The following STX11 variants were observed in gnomAD, a reference collection of about 807,000 sequenced individuals.
The protein encoded by STX11 is syntaxin 11, also known as syntaxin-11.
A neutral mutation model predicts 19.9 loss-of-function variants in STX11; 21 were observed. The ratio of observed to expected loss-of-function variants is 1.06; its 90% CI spans 0.75 to 1.52. STX11 has a LOEUF of 1.52. Ranked by LOEUF, STX11 falls within the 40% of genes most tolerant of loss-of-function variation. The probability of loss-of-function intolerance (pLI) is 0.00; values close to 1 mark genes in which losing one functional copy is unlikely to be tolerated. For synonymous variants in STX11, 193 were observed against 174.4 expected (o/e 1.11, Z -0.84); for missense variants, 438 against 405.9 (o/e 1.08, Z -0.68).
At chr6:144,144,291 C>A in the STX11 span, among the ~76,000 whole-genome samples, 2 of 152,182 alleles carry the variant, frequency 1.3e-5, no homozygotes, top group Non-Finnish European at 2.9e-5. Context: ...TAAAGAGCAA[C>A]AGAACCACAT....
At chr6:144,157,527 A>G (rs1801202813) in intron 1 of STX11, among the ~76,000 whole-genome samples, 1 of 152,192 alleles carries the variant, frequency 6.6e-6, no homozygotes, top group African/African-American at 2.4e-5. Context: ...GATGGCCCAG[A>G]CCATCACCTT....
chr6:144,147,361 C>T (rs61249035), upstream of STX11, among the ~76,000 whole-genome samples: 1 of 152,208 alleles, frequency 6.6e-6, no homozygotes. The surrounding 1 kb of genome is among the most constrained non-coding windows in gnomAD (Gnocchi z 4.2). Context: ...ATTTTACACA[C>T]TGTAGCAGCA....
rs1460583591 is a variant in STX11 at position 144,156,001 on chromosome 6, T to C, written c.-6+5298T>C. Among the ~76,000 whole-genome samples the C allele has an allele frequency of 2.3e-3, 293 of 129,532 alleles. 21 individuals carry two copies. The East Asian group carries it at 0.039, about 17-fold the overall frequency. 85.0% of individuals were successfully genotyped at this position (129,532 alleles called of 152,430 possible). A position where few individuals can be genotyped will look rare whatever the true frequency, so the allele number is the denominator to read the frequency against. ...TTCTTTCTTTCTTTCTTTCTTTCTT[T>C]CTTTCTTTCTTTCTCTCTTTCTCTC... is the stretch of plus-strand genomic sequence containing the variant. On this transcript the variant is annotated intron_variant, in intron 1 of 1. Transcript: ENST00000367568.
At position 144,159,440 on chromosome 6, in the gene STX11, C is replaced by T. The variant is rs1434974649; in HGVS notation, c.-6+8737C>T. On this transcript the variant is annotated intron_variant, in intron 1 of 1. Coordinates refer to ENST00000367568, the MANE Select transcript of STX11 (RefSeq NM_003764.4). This position sits in a 1 kb window ranked among gnomAD's most constrained non-coding sequence, Gnocchi z 4.3. ...ATAAGTTATATCAAAATAGAAGTTA[C>T]GGATTTGGCTTTGGTTACAAGAGAC... Among the ~76,000 whole-genome samples, 6 of 152,098 alleles carry T rather than the reference C, an allele frequency of 3.9e-5. No homozygotes were observed. Among genetic ancestry groups the T allele is most frequent in the South Asian group, 2.1e-4 (1 of 4,830 alleles).
chr6:144,140,111 C>T, the STX11 span, among the ~76,000 whole-genome samples: 1 of 149,586 alleles, frequency 6.7e-6, no homozygotes, highest in Non-Finnish European at 1.5e-5. Context: ...AGATCATCAC[C>T]CACAGAGGCA....
the STX11 span, among the ~76,000 whole-genome samples, chr6:144,140,260 TTA>T: frequency 3.7e-3 from 133 of 36,056 alleles, no homozygotes; most frequent in African/African-American, 0.014. Flanking sequence ...ATATATTTAT[TTA>T]TTTATTTTTT....
upstream of STX11, chr6:144,150,449 C>G (rs1317517110): frequency 1.0e-6 from 1 of 967,126 alleles, no homozygotes; most frequent in Non-Finnish European, 1.2e-6. Flanking sequence ...GCGCTGTCAT[C>G]CCGGGGCGGG....
rs1281789764 is a variant in STX11 at position 144,150,689 on chromosome 6, T to G, written c.-20T>G. 3.0e-6 allele frequency: 3 copies of G among 983,622 alleles called. No homozygotes were observed. In the African/African-American group the frequency reaches 5.3e-5, roughly 17 times the overall value. 60.9% of individuals were successfully genotyped at this position (983,622 alleles called of 1,614,324 possible). ...GAGAGGGGCTTCTCGGTTCGCACTC[T>G]CGCTCCCAGTCCAGGTTTGTTTTTC... On this transcript the variant is annotated 5_prime_UTR_variant, in exon 1 of 2. Coordinates refer to ENST00000367568, the MANE Select transcript of STX11 (RefSeq NM_003764.4).
chr6:144,147,432 C>G (rs138230567), upstream of STX11, among the ~76,000 whole-genome samples: 1 of 152,272 alleles, frequency 6.6e-6, no homozygotes, highest in East Asian at 1.9e-4. The surrounding 1 kb of genome is among the most constrained non-coding windows in gnomAD (Gnocchi z 4.2). Context: ...GAAACGTGCT[C>G]TCTCTTGGTT....
rs1801076518 is a variant in STX11 at position 144,154,205 on chromosome 6, G to C, written c.-6+3502G>C. Among the ~76,000 whole-genome samples, 1 of 152,200 alleles carries C rather than the reference G, an allele frequency of 6.6e-6. No homozygotes were observed. Among genetic ancestry groups the C allele is most frequent in the Non-Finnish European group, 1.5e-5 (1 of 68,026 alleles). On this transcript the variant is annotated intron_variant, in intron 1 of 1. Transcript: ENST00000367568. The surrounding 1 kb of genome is among the most constrained non-coding windows in gnomAD (Gnocchi z 4.7). ...GCTGTGATGTGCTGTCTTGATGAAT[G>C]AATCAATGAGGTTTTGGACTTTGTG...
Position 144,160,529 on chromosome 6 carries a change from C to T in STX11, c.-6+9826C>T, listed in dbSNP as rs918220981. Among the ~76,000 whole-genome samples the T allele has an allele frequency of 3.9e-5, 6 of 152,172 alleles. No homozygotes were observed. The highest frequency in any genetic ancestry group is 2.1e-4 in the South Asian group (1 of 4,818). On this transcript the variant is annotated intron_variant, in intron 1 of 1. Transcript: ENST00000367568. The surrounding 1 kb of genome is among the most constrained non-coding windows in gnomAD (Gnocchi z 4.3). Reference sequence around the variant, plus strand: ...TACCAGATTCGTTCTCTAGTAAGAACCTATTTCTTGTTTAACCTGACATCA... The same window carrying T: ...TACCAGATTCGTTCTCTAGTAAGAATCTATTTCTTGTTTAACCTGACATCA...
chr6:144,144,833 C>T, the STX11 span, among the ~76,000 whole-genome samples: 1 of 152,168 alleles, frequency 6.6e-6, no homozygotes, highest in Non-Finnish European at 1.5e-5. Context: ...CATTAATTTA[C>T]TCACACACTA....
In STX11 at chr6:144,174,634, G is replaced by A. The variant is rs1311077097; in HGVS notation, c.-5-11989G>A. Among the ~76,000 whole-genome samples, 1 of 152,076 alleles carries A rather than the reference G, an allele frequency of 6.6e-6. No homozygotes were observed. Among genetic ancestry groups the A allele is most frequent in the African/African-American group, 2.4e-5 (1 of 41,424 alleles). On this transcript the variant is annotated intron_variant, in intron 1 of 1. Transcript: ENST00000367568. This position sits in a 1 kb window ranked among gnomAD's most constrained non-coding sequence, Gnocchi z 5.3. ...CCACCCGCCTTGGCCTCCCAAGCCA[G>A]GATTACAGATATGAGTCCCTGTGCC... is the stretch of plus-strand genomic sequence containing the variant.
rs1035011026 is a variant in STX11, at chr6:144,154,281, C to G, written c.-6+3578C>G. On this transcript the variant is annotated intron_variant, in intron 1 of 1. Coordinates refer to ENST00000367568, the MANE Select transcript of STX11 (RefSeq NM_003764.4). The surrounding 1 kb of genome is among the most constrained non-coding windows in gnomAD (Gnocchi z 4.7). ...CTGCCCCTAACAATTCTTCCTTATC[C>G]AAGAATGGCCTTGATGCATAAGATG... 6.6e-6 allele frequency among the ~76,000 whole-genome samples: 1 copy of G among 152,184 alleles called. No individual in the cohort carries two copies. The highest frequency in any genetic ancestry group is 1.5e-5 in the Non-Finnish European group (1 of 68,040).
rs1802162740 is a variant in STX11, at chr6:144,189,560, C to T, written c.*2069C>T. Among the ~76,000 whole-genome samples the T allele has an allele frequency of 6.6e-6, 1 of 152,170 alleles. No homozygotes were observed. The highest frequency in any genetic ancestry group is 1.5e-5 in the Non-Finnish European group (1 of 68,038). Reference sequence around the variant, plus strand: ...TCCTCTGTGTCAACTCTTAGCTCTTCCTAATCATTATTTAATACATGAGTG... The same window carrying T: ...TCCTCTGTGTCAACTCTTAGCTCTTTCTAATCATTATTTAATACATGAGTG... On this transcript the variant is annotated 3_prime_UTR_variant, in exon 2 of 2. Transcript: ENST00000367568.
upstream of STX11, chr6:144,150,438 A>G (rs12175856): frequency 0.3 from 289,678 of 951,332 alleles, 46,219 homozygotes; most frequent in South Asian, 0.41. Flanking sequence ...GCCGCGCCCC[A>G]GCGCTGTCAT....
At chr6:144,179,124 G>A (rs929219296) in intron 1 of STX11, among the ~76,000 whole-genome samples, 1 of 152,192 alleles carries the variant, frequency 6.6e-6, no homozygotes, top group Non-Finnish European at 1.5e-5. Context: ...ATCTTATGTG[G>A]ATGGTGGCAG....
Position 144,187,182 on chromosome 6 carries a change from G to A in STX11, c.555G>A (p.Lys185=). 6.2e-7 allele frequency: 1 copy of A among 1,614,002 alleles called. No homozygotes were observed. The highest frequency in any genetic ancestry group is 8.5e-7 in the Non-Finnish European group (1 of 1,180,000). The change falls in exon 2 of 2, where the codon AAG becomes AAA. Residue 185 remains lysine (K), a synonymous_variant. Coordinates refer to ENST00000367568, the MANE Select transcript of STX11 (RefSeq NM_003764.4). This position sits in a 1 kb window ranked among gnomAD's most constrained non-coding sequence, Gnocchi z 5.6. The part of the protein sequence containing the change: ...DQIEDMFEQG[K]WDVFSENLLA... ...TCGAGGACATGTTCGAGCAGGGTAA[G>A]TGGGACGTGTTTTCCGAGAACTTGC...
rs1018719522 is a variant in STX11 at position 144,151,841 on chromosome 6, G to A, written c.-6+1138G>A. 3.9e-5 allele frequency among the ~76,000 whole-genome samples: 6 copies of A among 152,150 alleles called. No individual in the cohort carries two copies. The highest frequency in any genetic ancestry group is 3.9e-4 in the Admixed American group (6 of 15,274). On this transcript the variant is annotated intron_variant, in intron 1 of 1. Coordinates refer to ENST00000367568, the MANE Select transcript of STX11 (RefSeq NM_003764.4). The surrounding 1 kb of genome is among the most constrained non-coding windows in gnomAD (Gnocchi z 4.6). The stretch of plus-strand genomic sequence containing the variant: ...ATTTTTGAAGCGGGTGGGTCCCAGC[G>A]GGAGCAGAGAAATTTAAAAGTTGAA...
Sources: allele counts gnomAD v4.1 joint callset (sites outside exome capture counted in the v4.1 genomes callset), GRCh38; gene constraint gnomAD v4.1.1; non-coding constraint Gnocchi (gnomAD v3.1); transcripts MANE v1.5; gene names NCBI Gene and HGNC (gene_info 2026-07-23, HGNC 2026-07-21).